The following ARMC8 variants were observed in gnomAD, a reference collection of about 807,000 sequenced individuals.
ARMC8 encodes the protein armadillo repeat-containing protein 8.
Under a neutral mutation model 99.3 loss-of-function variants are expected in ARMC8, and 20 were observed. The ratio of observed to expected loss-of-function variants is 0.20; its 90% CI spans 0.14 to 0.29. The LOEUF (loss-of-function observed/expected upper bound fraction) is 0.29, where lower values mean the gene tolerates loss of function less well. ARMC8 is among the 10% of genes least tolerant of loss of function. The probability of loss-of-function intolerance (pLI) is 1.00; values close to 1 mark genes in which losing one functional copy is unlikely to be tolerated. For synonymous variants in ARMC8, 263 were observed against 278.3 expected (o/e 0.95, Z 0.55); for missense variants, 569 against 809.5 (o/e 0.70, Z 3.60).
intron 12 of ARMC8, chr3:138,262,370 T>C: frequency 1.3e-6 from 1 of 756,604 alleles, no homozygotes; most frequent in East Asian, 2.5e-5. Context: ...CAGATAAAAA[T>C]TACCATTCCT....
intron 1 of ARMC8, among the ~76,000 whole-genome samples, chr3:138,194,983 A>G (rs536168272): frequency 2.6e-4 from 39 of 152,250 alleles, no homozygotes; most frequent in African/African-American, 9.4e-4. Context: ...AAATAAATTC[A>G]TCAGTAAATC....
intron 14 of ARMC8, among the ~76,000 whole-genome samples, chr3:138,266,455 A>C (rs1329228165): frequency 6.6e-6 from 1 of 152,060 alleles, no homozygotes; most frequent in Non-Finnish European, 1.5e-5. Context: ...GAATTCATGT[A>C]CCTATTTAGT....
chr3:138,262,542 A>G (rs1159416353), intron 12 of ARMC8: 6 of 1,612,452 alleles, frequency 3.7e-6, no homozygotes, highest in Non-Finnish European at 5.1e-6. Flanking sequence ...CTCTCATTTT[A>G]GTCTAGGTCA....
chr3:138,198,493 TTTATTA>T (rs139933871), intron 1 of ARMC8, among the ~76,000 whole-genome samples: 82,219 of 146,282 alleles, frequency 0.56, 23,408 homozygotes, highest in East Asian at 0.8. Context: ...TTGTATATTC[TTTATTA>T]TTATTATTAT....
intron 16 of ARMC8, 64 bp from the exon 17 acceptor site, chr3:138,272,903 A>G (rs1266816792): frequency 7.7e-7 from 1 of 1,295,756 alleles, no homozygotes; most frequent in East Asian, 2.8e-5. Context: ...CAGAGTTACT[A>G]TTAAAATATA....
intron 2 of ARMC8, among the ~76,000 whole-genome samples, chr3:138,213,103 G>C (rs1463180786): frequency 6.6e-6 from 1 of 152,182 alleles, no homozygotes; most frequent in African/African-American, 2.4e-5. Context: ...ACTCTATCTT[G>C]AAGACAAATA....
intron 2 of ARMC8, among the ~76,000 whole-genome samples, chr3:138,217,585 G>T (rs541112383): frequency 4.1e-4 from 63 of 152,220 alleles, no homozygotes; most frequent in African/African-American, 1.3e-3. Flanking sequence ...AGAAAGTAAA[G>T]TAGAAAGTTT....
intron 1 of ARMC8, chr3:138,188,198 C>T (rs2043182232): frequency 5.9e-6 from 2 of 340,074 alleles, no homozygotes; most frequent in South Asian, 4.4e-5. Flanking sequence ...TTTTTAAGCC[C>T]CTTTCCTCCG....
At chr3:138,276,446 G>C (rs376572253) in intron 18 of ARMC8, among the ~76,000 whole-genome samples, 17 of 152,114 alleles carry the variant, frequency 1.1e-4, no homozygotes, top group African/African-American at 3.9e-4. Flanking sequence ...GTTCAACATT[G>C]TGCTGGAATT....
chr3:138,249,218 A>G (rs996949092), intron 12 of ARMC8, among the ~76,000 whole-genome samples: 1 of 152,190 alleles, frequency 6.6e-6, no homozygotes, highest in Admixed American at 6.5e-5. Flanking sequence ...GAACTTTCCT[A>G]ACCTCACTAG....
intron 2 of ARMC8, among the ~76,000 whole-genome samples, chr3:138,211,847 C>T (rs1224138505): frequency 6.6e-5 from 10 of 151,874 alleles, no homozygotes; most frequent in African/African-American, 9.7e-5. Context: ...ATGTCTGATA[C>T]GTTGTGGATC....
intron 12 of ARMC8, chr3:138,245,805 A>C (rs2046853595): frequency 2.0e-6 from 2 of 985,970 alleles, no homozygotes; most frequent in Non-Finnish European, 2.4e-6. Flanking sequence ...TGATGAGAAT[A>C]CTTCTAGATG....
intron 3 of ARMC8, 90 bp from the exon 4 acceptor site, chr3:138,223,299 T>C: frequency 8.6e-7 from 1 of 1,164,040 alleles, no homozygotes; most frequent in South Asian, 1.5e-5. Flanking sequence ...AACCATATTT[T>C]TAGTATGTGG....
intron 5 of ARMC8, among the ~76,000 whole-genome samples, chr3:138,226,291 G>T (rs973286724): frequency 6.6e-6 from 1 of 152,222 alleles, no homozygotes; most frequent in African/African-American, 2.4e-5. Flanking sequence ...ACTGCGCCCA[G>T]CCTAACATCT....
At chr3:138,227,072 A>T (rs1256118270) in intron 5 of ARMC8, among the ~76,000 whole-genome samples, 1 of 152,216 alleles carries the variant, frequency 6.6e-6, no homozygotes, top group African/African-American at 2.4e-5. Context: ...CAACTCTGGC[A>T]GTAGAATAGA....
In ARMC8 at chr3:138,295,743, A is replaced by G. The variant is rs975635211; in HGVS notation, c.1989-116A>G. On this transcript the variant is annotated intron_variant, in intron 21 of 21. Coordinates refer to ENST00000469044, the MANE Select transcript of ARMC8 (RefSeq NM_001363941.2). Reference sequence around the variant, plus strand: ...TAGGTGCCCACCTGGGCTCACCCCAATTCCCTCTGGAGATTTACTTTTTTA... The same window carrying G: ...TAGGTGCCCACCTGGGCTCACCCCAGTTCCCTCTGGAGATTTACTTTTTTA... The G allele has an allele frequency of 5.7e-5, 68 of 1,200,006 alleles. No homozygotes were observed. In the East Asian group the frequency reaches 6.2e-4, roughly 11 times the overall value. 74.3% of individuals were successfully genotyped at this position (1,200,006 alleles called of 1,614,324 possible).
In ARMC8 at chr3:138,284,383, C is replaced by T. The variant is rs1184701563; in HGVS notation, c.1726-48C>T. On this transcript the variant is annotated intron_variant, in intron 18 of 21. Transcript: ENST00000469044. ...CCCAAGCTCTTGAGACAGCTTGACT[C>T]TGGGACTTCAGAGCTTTCCTGACTG... The T allele has an allele frequency of 2.7e-6, 4 of 1,461,692 alleles. No individual in the cohort carries two copies. In the East Asian group the frequency reaches 6.8e-5, roughly 25 times the overall value. The allele number at this position is 1,461,692 out of a possible 1,614,324, so 90.5% of individuals were successfully genotyped here. A position where few individuals can be genotyped will look rare whatever the true frequency, so the allele number is the denominator to read the frequency against.
At chr3:138,261,638 G>A (rs539315055) in intron 12 of ARMC8, 3 of 152,364 alleles carry the variant, frequency 2.0e-5, no homozygotes, top group South Asian at 2.1e-4. Flanking sequence ...AAGATGGAAA[G>A]TGGGGAGAGG....
intron 13 of ARMC8, 64 bp downstream of exon 13, chr3:138,263,885 G>T: frequency 1.5e-6 from 2 of 1,372,626 alleles, no homozygotes; most frequent in East Asian, 2.3e-5. Context: ...TTCCTTTCTG[G>T]TCCTTCACTG....
Sources: gnomAD v4.1 joint callset for allele counts (sites outside exome capture counted in the v4.1 genomes callset) on GRCh38, gnomAD v4.1.1 for gene constraint, MANE v1.5 for transcripts, NCBI Gene and HGNC (gene_info 2026-07-23, HGNC 2026-07-21) for gene names.